Variants in PARD3B observed in about 807,000 individuals in gnomAD.
The protein encoded by PARD3B is partitioning defective 3 homolog B.
Under a neutral mutation model 130.2 loss-of-function variants are expected in PARD3B, and 103 were observed. That is an observed-to-expected ratio of 0.79 (90% CI 0.67 to 0.93). The LOEUF is 0.93. Ranked by LOEUF, PARD3B falls within the 40% of genes least tolerant of loss-of-function variation. The pLI, the probability that PARD3B is intolerant of heterozygous loss-of-function variation, is 0.00. For missense variants in PARD3B, 1,609 were observed against 1,499.2 expected (o/e 1.07, Z -1.21); for synonymous variants, 583 against 553.2 (o/e 1.05, Z -0.76).
intron 22 of PARD3B, among the ~76,000 whole-genome samples, chr2:205,611,031 A>G (rs2055209920): frequency 6.6e-6 from 1 of 152,230 alleles, no homozygotes; most frequent in Non-Finnish European, 1.5e-5. Flanking sequence ...ATAGTTAGAT[A>G]TGTAAGACTC....
chr2:205,482,385 C>A (rs1456966325), intron 20 of PARD3B, among the ~76,000 whole-genome samples: 1 of 151,964 alleles, frequency 6.6e-6, no homozygotes, highest in Non-Finnish European at 1.5e-5. Flanking sequence ...AAGGTACAAA[C>A]CGGATTGTCA....
chr2:205,024,184 T>TTTTTTTTC (rs1696847096), intron 3 of PARD3B, among the ~76,000 whole-genome samples: 1 of 142,580 alleles, frequency 7.0e-6, no homozygotes, highest in Non-Finnish European at 1.5e-5. Flanking sequence ...TTTTTTTTTT[T>TTTTTTTTC]GAGATGGAGC....
In PARD3B at chr2:205,589,260, C is replaced by A. The variant is rs1418022061; in HGVS notation, c.3261-26196C>A. 1.3e-5 allele frequency among the ~76,000 whole-genome samples: 2 copies of A among 152,226 alleles called. No homozygotes were observed. Among genetic ancestry groups the A allele is most frequent in the Non-Finnish European group, 2.9e-5 (2 of 68,038 alleles). On this transcript the variant is annotated intron_variant, in intron 22 of 22. Transcript: ENST00000406610. The surrounding 1 kb of genome is among the most constrained non-coding windows in gnomAD (Gnocchi z 4.1). The stretch of plus-strand genomic sequence containing the variant: ...AAGCTGTGATCGCACCACTGCCCTG[C>A]AGCCTGGGTGGTGAAGCGAGACCCT...
At chr2:205,273,683 G>T (rs183149475) in intron 16 of PARD3B, among the ~76,000 whole-genome samples, 1 of 152,268 alleles carries the variant, frequency 6.6e-6, no homozygotes, top group African/African-American at 2.4e-5. Flanking sequence ...TTTACAGTAT[G>T]GAAGACACTC....
intron 1 of PARD3B, among the ~76,000 whole-genome samples, chr2:204,680,246 A>G (rs1017762421): frequency 6.6e-6 from 1 of 152,062 alleles, no homozygotes; most frequent in Non-Finnish European, 1.5e-5. Context: ...AATAAATTCA[A>G]TTTAATTCTT....
intron 21 of PARD3B, among the ~76,000 whole-genome samples, chr2:205,534,788 T>G (rs1260516781): frequency 6.6e-6 from 1 of 152,172 alleles, no homozygotes; most frequent in Non-Finnish European, 1.5e-5. Context: ...TTACCCATAG[T>G]GGTTATTTCT....
chr2:205,147,555 C>T (rs1045699139), intron 10 of PARD3B, among the ~76,000 whole-genome samples: 1 of 152,026 alleles, frequency 6.6e-6, no homozygotes, highest in African/African-American at 2.4e-5. Flanking sequence ...AGTCAGAGAT[C>T]GGCTCTTGCT....
At chr2:205,111,073 GTTCTCCT>G (rs1703613282) in intron 5 of PARD3B, among the ~76,000 whole-genome samples, 1 of 151,928 alleles carries the variant, frequency 6.6e-6, no homozygotes, top group Admixed American at 6.6e-5. Context: ...TTTTTCAAAT[GTTCTCCT>G]TTCTAACTTG....
At chr2:204,738,501 C>T (rs2039855635) in intron 2 of PARD3B, among the ~76,000 whole-genome samples, 1 of 152,190 alleles carries the variant, frequency 6.6e-6, no homozygotes, top group African/African-American at 2.4e-5. Context: ...TAAATTACCA[C>T]ATAGCTTCTT....
chr2:204,774,034 T>C (rs556151602), intron 2 of PARD3B, among the ~76,000 whole-genome samples: 1 of 152,138 alleles, frequency 6.6e-6, no homozygotes, highest in African/African-American at 2.4e-5. Flanking sequence ...AACTTGTAGT[T>C]TCCCTAATAG....
At chr2:204,871,824 G>A (rs1215031002) in intron 2 of PARD3B, among the ~76,000 whole-genome samples, 1 of 152,056 alleles carries the variant, frequency 6.6e-6, no homozygotes, top group Admixed American at 6.6e-5. Context: ...ATGTATACAA[G>A]GCCAGTGGCT....
intron 2 of PARD3B, among the ~76,000 whole-genome samples, chr2:204,849,465 T>C (rs894271410): frequency 2.6e-5 from 4 of 152,216 alleles, no homozygotes; most frequent in African/African-American, 9.6e-5. Context: ...GGCACTGAAT[T>C]CTAACTAATA....
intron 1 of PARD3B, among the ~76,000 whole-genome samples, chr2:204,576,938 A>G (rs1348081444): frequency 6.6e-6 from 1 of 152,150 alleles, no homozygotes; most frequent in Non-Finnish European, 1.5e-5. Context: ...TTTTTAATGG[A>G]TATTTTTCTC....
chr2:205,224,534 C>A, intron 15 of PARD3B, among the ~76,000 whole-genome samples: 1 of 135,546 alleles, frequency 7.4e-6, no homozygotes, highest in South Asian at 2.5e-4. Context: ...CACCGCCACT[C>A]CCCAGAAGCC....
intron 1 of PARD3B, among the ~76,000 whole-genome samples, chr2:204,553,269 G>A (rs370362036): frequency 1.3e-5 from 2 of 152,104 alleles, no homozygotes; most frequent in East Asian, 1.9e-4. Context: ...AGGTGTTGGT[G>A]TGGATGTGGT....
At chr2:204,616,113 T>A (rs1022632783) in intron 1 of PARD3B, among the ~76,000 whole-genome samples, 1 of 152,278 alleles carries the variant, frequency 6.6e-6, no homozygotes, top group African/African-American at 2.4e-5. Flanking sequence ...AAAGAAATAA[T>A]TGATTACCTG....
chr2:204,898,630 A>G (rs1473807261), intron 2 of PARD3B, among the ~76,000 whole-genome samples: 1 of 152,214 alleles, frequency 6.6e-6, no homozygotes, highest in Non-Finnish European at 1.5e-5. Flanking sequence ...AATATCTATT[A>G]GGTACATTTG....
chr2:204,628,195 G>A (rs996207826), intron 1 of PARD3B, among the ~76,000 whole-genome samples: 1 of 151,446 alleles, frequency 6.6e-6, no homozygotes, highest in African/African-American at 2.4e-5. Context: ...GACTACAGGA[G>A]TTTCTCCCTA....
chr2:205,542,144 CAAAAAAAAA>C (rs71032484), intron 21 of PARD3B, among the ~76,000 whole-genome samples: 14 of 38,068 alleles, frequency 3.7e-4, no homozygotes, highest in South Asian at 1.6e-3. Context: ...ACTCCGTCTC[CAAAAAAAAA>C]AAAAAAAAAA....
Sources: gnomAD v4.1 joint callset for allele counts (sites outside exome capture counted in the v4.1 genomes callset) on GRCh38, gnomAD v4.1.1 for gene constraint, Gnocchi (gnomAD v3.1) non-coding constraint, MANE v1.5 for transcripts, NCBI Gene and HGNC (gene_info 2026-07-23, HGNC 2026-07-21) for gene names.